The following CTDSPL variants were observed in gnomAD, a reference collection of about 807,000 sequenced individuals.
CTDSPL encodes CTD small phosphatase-like protein.
In CTDSPL, 8 loss-of-function variants were observed where a neutral mutation model predicts 30.5. That is an observed-to-expected ratio of 0.26 (90% CI 0.15 to 0.47). CTDSPL has a LOEUF of 0.47. Ranked by LOEUF, CTDSPL falls within the 20% of genes least tolerant of loss-of-function variation. CTDSPL has a pLI of 0.99. For missense variants in CTDSPL, 248 were observed against 366.1 expected (o/e 0.68, Z 2.63); for synonymous variants, 110 against 137.9 (o/e 0.80, Z 1.42).
Position 37,981,375 on chromosome 3 carries a change from A to G in CTDSPL, c.*508A>G, listed in dbSNP as rs1004137159. On this transcript the variant is annotated 3_prime_UTR_variant, in exon 8 of 8. Transcript: ENST00000273179. ...GATACTATAAGAAGATGAACATGAC[A>G]ATTTTCTAGAACCTGGTAGCGTGTG... 3 of 161,304 alleles carry G rather than the reference A, an allele frequency of 1.9e-5. No homozygotes were observed. The highest frequency in any genetic ancestry group is 7.2e-5 in the African/African-American group (3 of 41,452). 10.0% of individuals were successfully genotyped at this position (161,304 alleles called of 1,614,324 possible). A position where few individuals can be genotyped will look rare whatever the true frequency, so the allele number is the denominator to read the frequency against.
chr3:37,938,678 G>GTT (rs574497096), intron 1 of CTDSPL, among the ~76,000 whole-genome samples: 9,946 of 136,412 alleles, frequency 0.073, 873 homozygotes, highest in African/African-American at 0.19. Context: ...TTTTTTTGTG[G>GTT]GTTTTTTTTT....
intron 1 of CTDSPL, among the ~76,000 whole-genome samples, chr3:37,908,450 A>G (rs925935376): frequency 6.6e-6 from 1 of 152,198 alleles, no homozygotes; most frequent in African/African-American, 2.4e-5. Flanking sequence ...TCATTTTGCT[A>G]CGTAGACTCT....
chr3:37,978,646 G>A (rs148982531), intron 7 of CTDSPL, among the ~76,000 whole-genome samples: 30 of 152,204 alleles, frequency 2.0e-4, no homozygotes, highest in African/African-American at 4.3e-4. Context: ...GAGGCATTTC[G>A]GGACTCAGAT....
At chr3:37,958,039 AT>A (rs1292215216) in intron 3 of CTDSPL, among the ~76,000 whole-genome samples, 1 of 152,236 alleles carries the variant, frequency 6.6e-6, no homozygotes, top group Non-Finnish European at 1.5e-5. Flanking sequence ...AGATTACTTG[AT>A]TCAAATGTGT....
chr3:37,974,923 C>T (rs923805960), intron 6 of CTDSPL, among the ~76,000 whole-genome samples: 1 of 152,158 alleles, frequency 6.6e-6, no homozygotes, highest in African/African-American at 2.4e-5. Flanking sequence ...GGTAGATACT[C>T]TGGGAGGTGC....
intron 1 of CTDSPL, among the ~76,000 whole-genome samples, chr3:37,880,662 A>G (rs1002927463): frequency 1.3e-5 from 2 of 152,228 alleles, no homozygotes; most frequent in Non-Finnish European, 2.9e-5. Context: ...AATAGCATTT[A>G]TCTCTGAAAT....
intron 1 of CTDSPL, among the ~76,000 whole-genome samples, chr3:37,928,119 A>G (rs1293142027): frequency 6.6e-6 from 1 of 152,126 alleles, no homozygotes; most frequent in Non-Finnish European, 1.5e-5. Flanking sequence ...TGCATGGACC[A>G]CTTTTTCTTT....
rs1442591296 is a variant in CTDSPL at position 37,980,824 on chromosome 3, A to G, written c.788A>G (p.Glu263Gly). ...CCCTTCTTTGAGGGCCTGAGCCGGG[A>G]GGACGACGTGTACAGCATGCTGCAC... ...LIPFFEGLSR[E>G]DDVYSMLHRL... is the part of the protein sequence containing the mutation. Residue 263 changes from glutamate (E) to glycine (G), a missense_variant, in exon 8 of 8, where the codon GAG (glutamate) becomes GGG (glycine). This residue lies in a region of CTDSPL where 84 missense variants were observed against 139.4 expected (regional missense o/e 0.60). Transcript: ENST00000273179. 1.9e-6 allele frequency: 3 copies of G among 1,613,986 alleles called. No individual in the cohort carries two copies. Among genetic ancestry groups the G allele is most frequent in the Non-Finnish European group, 2.5e-6 (3 of 1,180,028 alleles).
chr3:37,871,697 C>T (rs1443518703), intron 1 of CTDSPL, among the ~76,000 whole-genome samples: 1 of 152,146 alleles, frequency 6.6e-6, no homozygotes, highest in Non-Finnish European at 1.5e-5. Flanking sequence ...TTCTTGAGTA[C>T]TTTTTCAGCT....
chr3:37,880,888 G>A (rs1475619377), intron 1 of CTDSPL, among the ~76,000 whole-genome samples: 5 of 152,104 alleles, frequency 3.3e-5, no homozygotes, highest in African/African-American at 4.8e-5. Context: ...GTCAAAAGAC[G>A]TTAGTGGCTT....
chr3:37,969,486 T>TGGACG (rs1559647957), intron 5 of CTDSPL: 1 of 486,232 alleles, frequency 2.1e-6, no homozygotes, highest in Non-Finnish European at 4.2e-6. Context: ...GACGCGGGCC[T>TGGACG]GGACGCCGGC....
intron 2 of CTDSPL, among the ~76,000 whole-genome samples, chr3:37,951,594 T>A (rs1699108932): frequency 6.6e-6 from 1 of 151,776 alleles, no homozygotes; most frequent in South Asian, 2.1e-4. Context: ...AGTGGGAGGA[T>A]TGCTTGAACC....
intron 6 of CTDSPL, among the ~76,000 whole-genome samples, chr3:37,972,763 C>A (rs1252399840): frequency 6.6e-6 from 1 of 152,210 alleles, no homozygotes; most frequent in Non-Finnish European, 1.5e-5. Context: ...TTGACCATTT[C>A]CCAAACTCTG....
In CTDSPL at chr3:37,931,257, C is replaced by T. The variant is rs182050834; in HGVS notation, c.80-15800C>T. ...TGAACTCCTGGGCTCAAGCAATCCTCCCACCTCAGCCTTTCAGATAGCTGG... is the reference window on the plus strand; with the variant it reads ...TGAACTCCTGGGCTCAAGCAATCCTTCCACCTCAGCCTTTCAGATAGCTGG... On this transcript the variant is annotated intron_variant, in intron 1 of 7. Transcript: ENST00000273179. Among the ~76,000 whole-genome samples the T allele has an allele frequency of 6.6e-5, 10 of 152,108 alleles. No individual in the cohort carries two copies. In the East Asian group the frequency reaches 1.9e-3, roughly 29 times the overall value.
At chr3:37,945,817 C>A (rs961061835) in intron 1 of CTDSPL, among the ~76,000 whole-genome samples, 10 of 152,228 alleles carry the variant, frequency 6.6e-5, no homozygotes, top group South Asian at 2.1e-4. Flanking sequence ...GCTGGAATAA[C>A]AGCTTTTCAG....
At chr3:37,922,801 G>A (rs1399877886) in intron 1 of CTDSPL, among the ~76,000 whole-genome samples, 1 of 152,198 alleles carries the variant, frequency 6.6e-6, no homozygotes, top group Non-Finnish European at 1.5e-5. Flanking sequence ...ACCAACAAGG[G>A]CCTTGCCACT....
intron 7 of CTDSPL, among the ~76,000 whole-genome samples, chr3:37,979,614 A>C (rs372569041): frequency 0.011 from 1,647 of 152,188 alleles, 34 homozygotes; most frequent in African/African-American, 0.036. Flanking sequence ...AAGAAAAAAA[A>C]TTAGCCAAGC....
chr3:37,876,825 T>A (rs1341445343), intron 1 of CTDSPL, among the ~76,000 whole-genome samples: 1 of 151,962 alleles, frequency 6.6e-6, no homozygotes, highest in Non-Finnish European at 1.5e-5. Context: ...ACATATAACA[T>A]TAAATTTAGC....
At chr3:37,906,406 T>C (rs1172364633) in intron 1 of CTDSPL, among the ~76,000 whole-genome samples, 1 of 152,184 alleles carries the variant, frequency 6.6e-6, no homozygotes. Context: ...GTCCGTTCTA[T>C]AAATGCTTCC....
Sources: gnomAD v4.1 joint callset for allele counts (sites outside exome capture counted in the v4.1 genomes callset) on GRCh38, gnomAD v4.1.1 for gene constraint, gnomAD v4.1.1 regional missense constraint, MANE v1.5 for transcripts, NCBI Gene and HGNC (gene_info 2026-07-23, HGNC 2026-07-21) for gene names.